APBA1: variants seen among roughly 807,000 people sequenced by gnomAD.
APBA1 encodes the protein amyloid beta precursor protein binding family A member 1.
APBA1 carries 55 observed loss-of-function variants against 86.6 expected under a neutral mutation model. The observed-to-expected ratio is 0.64, with a 90% CI of 0.51 to 0.80. APBA1 has a LOEUF of 0.80. Among genes scored for constraint, APBA1 ranks in the 30% least tolerant of loss-of-function variants. APBA1 has a pLI of 0.00. For synonymous variants in APBA1, 511 were observed against 493.9 expected, an observed-to-expected ratio of 1.03 and a Z score of -0.46; for missense variants, 1,090 against 1,183.0, an observed-to-expected ratio of 0.92 and a Z score of 1.15.
chr9:69,532,104 T>C (rs569936598), intron 1 of APBA1, among the ~76,000 whole-genome samples: 1 of 152,252 alleles, frequency 6.6e-6, no homozygotes, highest in East Asian at 1.9e-4. Flanking sequence ...TATCAATAGG[T>C]TCATCAATTG....
intron 2 of APBA1, among the ~76,000 whole-genome samples, chr9:69,483,736 C>T (rs181490864): frequency 1.3e-5 from 2 of 152,032 alleles, no homozygotes; most frequent in Non-Finnish European, 1.5e-5. Context: ...AACGAACAAA[C>T]CCCTTAAACA....
chr9:69,486,621 G>A (rs1835613944), intron 2 of APBA1, among the ~76,000 whole-genome samples: 1 of 152,036 alleles, frequency 6.6e-6, no homozygotes, highest in East Asian at 1.9e-4. Context: ...GGGAGGTGGT[G>A]CTTCAGCTGA....
intron 1 of APBA1, among the ~76,000 whole-genome samples, chr9:69,548,150 T>C (rs1477950793): frequency 6.6e-6 from 1 of 152,190 alleles, no homozygotes; most frequent in Non-Finnish European, 1.5e-5. Flanking sequence ...TCCCCTCTCC[T>C]GCTGCTGACT....
At position 69,570,712 on chromosome 9, in the gene APBA1, C is replaced by T. The variant is rs79947545; in HGVS notation, c.-69-53433G>A. 6.2e-4 allele frequency among the ~76,000 whole-genome samples: 94 copies of T among 152,258 alleles called. 7 individuals carry two copies. The East Asian group carries it at 0.018, about 29-fold the overall frequency. ...TTTGTTACCTCTCACCCAACAAACACATTATATCTTCACTGTTATGGGCTA... is the reference window on the plus strand; with the variant it reads ...TTTGTTACCTCTCACCCAACAAACATATTATATCTTCACTGTTATGGGCTA... On this transcript the variant is annotated intron_variant, in intron 1 of 12. Transcript: ENST00000265381.
intron 10 of APBA1, among the ~76,000 whole-genome samples, chr9:69,448,507 T>C (rs1190064965): frequency 3.9e-5 from 6 of 152,230 alleles, no homozygotes; most frequent in African/African-American, 1.4e-4. Flanking sequence ...TTATCTTATG[T>C]GAAATTAGAA....
At chr9:69,627,635 T>C (rs1822959773) in intron 1 of APBA1, among the ~76,000 whole-genome samples, 1 of 152,102 alleles carries the variant, frequency 6.6e-6, no homozygotes, top group Non-Finnish European at 1.5e-5. Context: ...ACAAATACGA[T>C]GGCTACTCAA....
At chr9:69,598,580 G>T (rs1397607698) in intron 1 of APBA1, among the ~76,000 whole-genome samples, 1 of 152,154 alleles carries the variant, frequency 6.6e-6, no homozygotes, top group Non-Finnish European at 1.5e-5. Flanking sequence ...GGAAGCAGAG[G>T]GAAGGTGGCT....
chr9:69,552,907 C>CTT (rs34026305), intron 1 of APBA1, among the ~76,000 whole-genome samples: 5,127 of 135,500 alleles, frequency 0.038, 155 homozygotes, highest in Middle Eastern at 0.079. Context: ...CTTTCTTGGG[C>CTT]TTTTTTTTTT....
At chr9:69,432,274 G>A (rs959693906) in intron 12 of APBA1, among the ~76,000 whole-genome samples, 1 of 152,236 alleles carries the variant, frequency 6.6e-6, no homozygotes, top group Non-Finnish European at 1.5e-5. Flanking sequence ...AGAAAGCTGA[G>A]TGTTAAAAAG....
At chr9:69,432,190 A>T (rs1834612955) in intron 12 of APBA1, among the ~76,000 whole-genome samples, 2 of 152,220 alleles carry the variant, frequency 1.3e-5, no homozygotes, top group East Asian at 3.8e-4. Flanking sequence ...CTAAGACTTA[A>T]ATCTTTTAAA....
Position 69,432,641 on chromosome 9 carries a change from T to C in APBA1, c.2337A>G (p.Arg779=). ...CSLMRGGIAE[R]GGVRVGHRII... ...TCCGGTGCCCCACACGGACGCCTCC[T>C]CTCTCAGCTATTCCCCCTCGCATGA... Residue 779 remains arginine, a synonymous_variant, in exon 12 of 13, where the codon AGA becomes AGG. Transcript: ENST00000265381. 1 of 1,602,862 alleles carries C rather than the reference T, an allele frequency of 6.2e-7. No individual in the cohort carries two copies. The highest frequency in any genetic ancestry group is 8.5e-7 in the Non-Finnish European group (1 of 1,175,610).
At chr9:69,625,922 T>C (rs1483565146) in intron 1 of APBA1, among the ~76,000 whole-genome samples, 1 of 152,132 alleles carries the variant, frequency 6.6e-6, no homozygotes, top group Non-Finnish European at 1.5e-5. Context: ...GGGCAGTATA[T>C]CCAGTGCTAC....
chr9:69,521,340 G>T (rs773737785), intron 1 of APBA1, among the ~76,000 whole-genome samples: 1 of 152,116 alleles, frequency 6.6e-6, no homozygotes, highest in African/African-American at 2.4e-5. Flanking sequence ...GGCCCTAACT[G>T]CCCTCCCTAT....
intron 1 of APBA1, among the ~76,000 whole-genome samples, chr9:69,591,717 T>C (rs1466692909): frequency 6.6e-6 from 1 of 152,188 alleles, no homozygotes; most frequent in African/African-American, 2.4e-5. Flanking sequence ...TGTTCTCTCT[T>C]TTGTCTTGTC....
At chr9:69,456,181 C>T (rs898394079) in intron 8 of APBA1, 66 bp downstream of exon 8, 16 of 1,539,268 alleles carry the variant, frequency 1.0e-5, no homozygotes, top group Non-Finnish European at 1.4e-5. Context: ...ATGAATTAGA[C>T]TGAATCAGGT....
At chr9:69,434,420 A>AAC (rs1834661207) in intron 11 of APBA1, among the ~76,000 whole-genome samples, 1 of 132,648 alleles carries the variant, frequency 7.5e-6, no homozygotes, top group African/African-American at 3.8e-5. Context: ...GCTTAAAACA[A>AAC]AAAAAAAAAA....
chr9:69,569,975 A>G (rs1358014461), intron 1 of APBA1, among the ~76,000 whole-genome samples: 3 of 152,236 alleles, frequency 2.0e-5, no homozygotes, highest in Non-Finnish European at 4.4e-5. Flanking sequence ...GAATCGAGGC[A>G]GAGATTTTAA....
intron 1 of APBA1, among the ~76,000 whole-genome samples, chr9:69,540,754 G>T (rs1028319414): frequency 6.6e-6 from 1 of 151,958 alleles, no homozygotes. Flanking sequence ...ATGAACTACC[G>T]CACCCGGCTA....
At chr9:69,502,765 T>G (rs1401154024) in intron 2 of APBA1, among the ~76,000 whole-genome samples, 2 of 152,046 alleles carry the variant, frequency 1.3e-5, no homozygotes, top group African/African-American at 2.4e-5. Flanking sequence ...TGAGGAGAAA[T>G]GAACGCATCA....
Sources: gnomAD v4.1 joint callset for allele counts (sites outside exome capture counted in the v4.1 genomes callset) on GRCh38, gnomAD v4.1.1 for gene constraint, MANE v1.5 for transcripts, NCBI Gene and HGNC (gene_info 2026-07-23, HGNC 2026-07-21) for gene names.